Variants in ESR2 observed in about 807,000 individuals in gnomAD.
The protein encoded by ESR2 is estrogen receptor 2.
ESR2 carries 36 observed loss-of-function variants against 49.6 expected under a neutral mutation model. The observed-to-expected ratio is 0.73, with a 90% CI of 0.56 to 0.96. The LOEUF is 0.96. ESR2 is among the 40% of genes least tolerant of loss of function. The pLI is 0.00. For missense variants in ESR2, 714 were observed against 693.0 expected, an observed-to-expected ratio of 1.03 and a Z score of -0.34; for synonymous variants, 320 against 266.1, an observed-to-expected ratio of 1.20 and a Z score of -1.97.
At position 64,291,402 on chromosome 14, in the gene ESR2, G is replaced by A. The variant is rs2076868072; in HGVS notation, c.-91+2631C>T. ...TCCAGCTAGGAAGGCCAACTATCCAGTTTGCTAGCTCCTCATAAACTTGCC... is the reference window on the plus strand; with the variant it reads ...TCCAGCTAGGAAGGCCAACTATCCAATTTGCTAGCTCCTCATAAACTTGCC... On this transcript the variant is annotated intron_variant, in intron 1 of 8. Transcript: ENST00000341099. Among the ~76,000 whole-genome samples the A allele has an allele frequency of 2.0e-5, 3 of 152,232 alleles. No homozygotes were observed. In the South Asian group the frequency reaches 6.2e-4, roughly 32 times the overall value.
At chr14:64,226,805 C>T (rs1014124161), downstream of ESR2, 1 of 151,732 alleles carries the variant, frequency 6.6e-6, no homozygotes, top group African/African-American at 2.4e-5. Context: ...ATTCTCATGC[C>T]TCAGCCTCCT....
upstream of ESR2, among the ~76,000 whole-genome samples, chr14:64,298,063 A>G (rs1041566834): frequency 2.6e-5 from 4 of 152,220 alleles, no homozygotes; most frequent in African/African-American, 7.2e-5. Flanking sequence ...TTACTAATTA[A>G]TATGTCAGAG....
chr14:64,301,739 T>C (rs1212631365), intron 1 of ESR2, among the ~76,000 whole-genome samples: 3 of 152,182 alleles, frequency 2.0e-5, no homozygotes, highest in African/African-American at 7.2e-5. Flanking sequence ...TTTTCCCAAC[T>C]TCTTTGATTT....
intron 1 of ESR2, among the ~76,000 whole-genome samples, chr14:64,318,537 C>CAAAAA (rs58597271): frequency 0.018 from 577 of 32,416 alleles, 40 homozygotes; most frequent in Non-Finnish European, 0.025. Flanking sequence ...AACTCCATCT[C>CAAAAA]AAAAAAAAAA....
chr14:64,330,404 G>A (rs2077441718), intron 1 of ESR2: 1 of 150,028 alleles, frequency 6.7e-6, no homozygotes, highest in Non-Finnish European at 1.5e-5. Context: ...ACTCCAGCCT[G>A]GACAACAAGA....
intron 3 of ESR2, among the ~76,000 whole-genome samples, chr14:64,277,075 A>T (rs1208937820): frequency 6.6e-6 from 1 of 152,242 alleles, no homozygotes; most frequent in African/African-American, 2.4e-5. Flanking sequence ...CCATGCTGTC[A>T]TCTGGACCAG....
At chr14:64,319,813 C>T (rs2140893502) in intron 1 of ESR2, among the ~76,000 whole-genome samples, 2 of 152,306 alleles carry the variant, frequency 1.3e-5, no homozygotes, top group South Asian at 4.1e-4. Flanking sequence ...ACAGCAATAG[C>T]TCTCATTCAT....
chr14:64,267,037 C>T (rs781708702), intron 4 of ESR2, among the ~76,000 whole-genome samples: 3 of 152,142 alleles, frequency 2.0e-5, no homozygotes, highest in African/African-American at 7.2e-5. Context: ...CATGCCACCA[C>T]GCCCGGCTAA....
At chr14:64,245,394 C>A (rs1369529270) in intron 7 of ESR2, among the ~76,000 whole-genome samples, 1 of 150,954 alleles carries the variant, frequency 6.6e-6, no homozygotes, top group Non-Finnish European at 1.5e-5. Context: ...TGCCTGTAAT[C>A]CCAGCTACTC....
chr14:64,317,895 A>G (rs1269609757), intron 1 of ESR2, among the ~76,000 whole-genome samples: 1 of 152,210 alleles, frequency 6.6e-6, no homozygotes, highest in Non-Finnish European at 1.5e-5. Flanking sequence ...TATATTTAAC[A>G]TTACATTTAA....
At chr14:64,336,675 C>A (rs771202993) in intron 1 of ESR2, 2 of 152,114 alleles carry the variant, frequency 1.3e-5, no homozygotes, top group Non-Finnish European at 2.9e-5. Context: ...TTGGTGGGAT[C>A]TCATCCAATC....
At chr14:64,332,835 A>C (rs2077479346) in intron 1 of ESR2, among the ~76,000 whole-genome samples, 1 of 149,176 alleles carries the variant, frequency 6.7e-6, no homozygotes, top group South Asian at 2.1e-4. Context: ...ATGATCAAAC[A>C]TCTCCTCTCT....
At chr14:64,332,371 G>A (rs948554865) in intron 1 of ESR2, 1 of 152,178 alleles carries the variant, frequency 6.6e-6, no homozygotes, top group Non-Finnish European at 1.5e-5. Flanking sequence ...CTAACGTACA[G>A]TAAATAACAG....
chr14:64,290,280 A>T (rs891826707), intron 1 of ESR2, among the ~76,000 whole-genome samples: 2 of 152,182 alleles, frequency 1.3e-5, no homozygotes, highest in African/African-American at 4.8e-5. Context: ...TGTGTTGCCC[A>T]GATTGATCTT....
chr14:64,258,830 A>G (rs1228371357), intron 5 of ESR2, among the ~76,000 whole-genome samples: 1 of 152,232 alleles, frequency 6.6e-6, no homozygotes, highest in Non-Finnish European at 1.5e-5. Context: ...TCTTGTAGAT[A>G]TTCAACAAGA....
chr14:64,318,933 A>C (rs1284936982), intron 1 of ESR2, among the ~76,000 whole-genome samples: 3 of 151,870 alleles, frequency 2.0e-5, no homozygotes, highest in African/African-American at 7.3e-5. Flanking sequence ...CCCAGCTACT[A>C]GGGAGGCTGA....
chr14:64,314,894 A>G (rs1327051902), intron 1 of ESR2, among the ~76,000 whole-genome samples: 1 of 150,034 alleles, frequency 6.7e-6, no homozygotes, highest in South Asian at 2.1e-4. Context: ...AAAAAAAAAA[A>G]AAAAAAAAGA....
chr14:64,255,419 G>T (rs149241683), intron 6 of ESR2, among the ~76,000 whole-genome samples: 3 of 152,130 alleles, frequency 2.0e-5, no homozygotes, highest in African/African-American at 7.2e-5. Flanking sequence ...TGACAGTGGG[G>T]AGAGTGGGTT....
At chr14:64,314,084 G>A (rs2077221875) in intron 1 of ESR2, among the ~76,000 whole-genome samples, 1 of 151,620 alleles carries the variant, frequency 6.6e-6, no homozygotes, top group African/African-American at 2.4e-5. Flanking sequence ...ACCTTTTGAG[G>A]GTCTATGCAA....
Sources: allele counts gnomAD v4.1 joint callset (sites outside exome capture counted in the v4.1 genomes callset), GRCh38; gene constraint gnomAD v4.1.1; transcripts MANE v1.5; gene names NCBI Gene and HGNC (gene_info 2026-07-23, HGNC 2026-07-21).